DPP10: variants seen among roughly 807,000 people sequenced by gnomAD.
The protein encoded by DPP10 is inactive dipeptidyl peptidase 10.
A neutral mutation model predicts 120.9 loss-of-function variants in DPP10; 33 were observed. That is an observed-to-expected ratio of 0.27 (90% CI 0.21 to 0.37). The LOEUF (loss-of-function observed/expected upper bound fraction) is 0.37. Ranked by LOEUF, DPP10 falls within the 10% of genes least tolerant of loss-of-function variation. The pLI, the probability that DPP10 is intolerant of heterozygous loss-of-function variation, is 1.00. For missense variants in DPP10, 816 were observed against 942.8 expected (o/e 0.87, Z 1.76); for synonymous variants, 337 against 326.1 (o/e 1.03, Z -0.36).
chr2:115,370,830 G>A (rs778685353), intron 3 of DPP10, among the ~76,000 whole-genome samples: 1 of 151,700 alleles, frequency 6.6e-6, no homozygotes, highest in Non-Finnish European at 1.5e-5. Context: ...TACGCGTTAA[G>A]TATTGGCATC....
chr2:114,881,489 A>ATCTATCTATCTG (rs1190583091), intron 1 of DPP10, among the ~76,000 whole-genome samples: 5 of 100,222 alleles, frequency 5.0e-5, no homozygotes, highest in African/African-American at 2.2e-4. Context: ...CTATCTATCT[A>ATCTATCTATCTG]TCATATCTCT....
At chr2:115,242,232 T>C (rs1018241797) in intron 1 of DPP10, among the ~76,000 whole-genome samples, 4 of 152,212 alleles carry the variant, frequency 2.6e-5, no homozygotes, top group Non-Finnish European at 5.9e-5. Flanking sequence ...GAGTTCTCGC[T>C]TATGAGTGAG....
At position 114,855,630 on chromosome 2, in the gene DPP10, A is replaced by C. The variant is rs532959234; in HGVS notation, c.60+412792A>C. Among the ~76,000 whole-genome samples, 10 of 152,304 alleles carry C rather than the reference A, an allele frequency of 6.6e-5. 1 individual carries two copies. In the South Asian group the frequency reaches 2.1e-3, roughly 32 times the overall value. On this transcript the variant is annotated intron_variant, in intron 1 of 25. Coordinates refer to ENST00000410059, the MANE Select transcript of DPP10 (RefSeq NM_020868.6). Reference sequence around the variant, plus strand: ...ACAGCCTAAGTTGTTCCTATCATCTAGTTCACATTTGGTGAACAAAGCTGA... The same window carrying C: ...ACAGCCTAAGTTGTTCCTATCATCTCGTTCACATTTGGTGAACAAAGCTGA...
intron 1 of DPP10, among the ~76,000 whole-genome samples, chr2:114,979,524 G>C (rs546680011): frequency 6.6e-6 from 1 of 152,062 alleles, no homozygotes; most frequent in Non-Finnish European, 1.5e-5. Context: ...GTTGAGTGAA[G>C]ATATTTGATA....
At chr2:114,712,059 A>G (rs774834839) in intron 1 of DPP10, among the ~76,000 whole-genome samples, 16 of 152,114 alleles carry the variant, frequency 1.1e-4, no homozygotes, top group Non-Finnish European at 1.8e-4. Flanking sequence ...GTGGCTCACA[A>G]CTGTAATCCC....
At chr2:115,320,766 C>T (rs746477644) in intron 2 of DPP10, among the ~76,000 whole-genome samples, 2 of 152,024 alleles carry the variant, frequency 1.3e-5, no homozygotes, top group Non-Finnish European at 2.9e-5. Flanking sequence ...TACAATAAGA[C>T]TGCCTTTTCT....
chr2:115,656,417 G>T (rs931822939), intron 5 of DPP10, among the ~76,000 whole-genome samples: 15 of 151,396 alleles, frequency 9.9e-5, no homozygotes, highest in Admixed American at 6.6e-4. Context: ...AAAGCTGAAG[G>T]TTTCAGAATA....
chr2:115,696,779 A>C (rs2091615872), intron 7 of DPP10, among the ~76,000 whole-genome samples: 1 of 152,212 alleles, frequency 6.6e-6, no homozygotes, highest in Non-Finnish European at 1.5e-5. Context: ...AAAAGCTAAG[A>C]TATTTAAAAT....
intron 1 of DPP10, among the ~76,000 whole-genome samples, chr2:114,955,935 G>A (rs928051014): frequency 6.6e-6 from 1 of 152,042 alleles, no homozygotes; most frequent in Non-Finnish European, 1.5e-5. Flanking sequence ...GGTATGAAAA[G>A]AATGTACCTC....
chr2:115,663,904 A>T (rs941717284), intron 5 of DPP10, among the ~76,000 whole-genome samples: 1 of 151,906 alleles, frequency 6.6e-6, no homozygotes, highest in Non-Finnish European at 1.5e-5. Context: ...CTGAGGCAGG[A>T]GAATTGCTTG....
At chr2:115,796,536 T>C (rs1684547601) in intron 19 of DPP10, among the ~76,000 whole-genome samples, 1 of 152,168 alleles carries the variant, frequency 6.6e-6, no homozygotes, top group Admixed American at 6.6e-5. Flanking sequence ...TTTGTGAGTT[T>C]ATAATTGATT....
intron 21 of DPP10, among the ~76,000 whole-genome samples, chr2:115,818,003 A>T (rs988106213): frequency 2.6e-5 from 4 of 152,198 alleles, no homozygotes; most frequent in Non-Finnish European, 4.4e-5. Context: ...TAAAGTAAAA[A>T]ACAAAGATAA....
intron 1 of DPP10, among the ~76,000 whole-genome samples, chr2:114,735,693 A>T (rs1677360233): frequency 6.6e-6 from 1 of 152,108 alleles, no homozygotes; most frequent in South Asian, 2.1e-4. Context: ...TCCAAGAGGA[A>T]CTTTGCAGGC....
chr2:115,717,462 T>C (rs1486695932), intron 7 of DPP10, among the ~76,000 whole-genome samples: 1 of 152,218 alleles, frequency 6.6e-6, no homozygotes, highest in Non-Finnish European at 1.5e-5. Context: ...AGTTTCACCA[T>C]TACCTACCAG....
At chr2:114,625,377 C>T (rs900971045) in intron 1 of DPP10, among the ~76,000 whole-genome samples, 87 of 152,050 alleles carry the variant, frequency 5.7e-4, no homozygotes, top group African/African-American at 2.0e-3. Context: ...GAGTACTTCA[C>T]AGGCTTTGCT....
chr2:115,744,761 A>G lies in DPP10; in HGVS notation c.853-1325A>G, dbSNP rs79586779. Among the ~76,000 whole-genome samples, 46 of 150,586 alleles carry G rather than the reference A, an allele frequency of 3.1e-4. No homozygotes were observed. In the East Asian group the frequency reaches 8.3e-3, roughly 27 times the overall value. On this transcript the variant is annotated intron_variant, in intron 9 of 25. Coordinates refer to ENST00000410059, the MANE Select transcript of DPP10 (RefSeq NM_020868.6). The stretch of plus-strand genomic sequence containing the variant: ...TGTTGATTCTGGTCCTGATTTAACT[A>G]TGGGTTTTGTCAATGCCAATTCCTT...
chr2:115,477,914 C>G (rs183845184), intron 3 of DPP10, among the ~76,000 whole-genome samples: 1 of 152,214 alleles, frequency 6.6e-6, no homozygotes, highest in African/African-American at 2.4e-5. Flanking sequence ...TCTGGTGAGG[C>G]CTCAGGAAGC....
intron 1 of DPP10, among the ~76,000 whole-genome samples, chr2:114,515,610 G>A (rs1684532364): frequency 6.6e-6 from 1 of 152,132 alleles, no homozygotes; most frequent in Admixed American, 6.5e-5. Flanking sequence ...CCAAAAAAAA[G>A]TTTTAGAAAT....
At chr2:115,798,263 A>C (rs1684767164) in intron 19 of DPP10, among the ~76,000 whole-genome samples, 1 of 151,974 alleles carries the variant, frequency 6.6e-6, no homozygotes, top group Non-Finnish European at 1.5e-5. Flanking sequence ...TATTGAAATC[A>C]GTCTCTTTTT....
Sources: gnomAD v4.1 joint callset for allele counts (sites outside exome capture counted in the v4.1 genomes callset) on GRCh38, gnomAD v4.1.1 for gene constraint, MANE v1.5 for transcripts, NCBI Gene and HGNC (gene_info 2026-07-23, HGNC 2026-07-21) for gene names.